ZNF385D: variants seen among roughly 807,000 people sequenced by gnomAD.
ZNF385D encodes zinc finger protein 659.
Under a neutral mutation model 35.8 loss-of-function variants are expected in ZNF385D, and 15 were observed. The observed-to-expected ratio is 0.42, with a 90% CI of 0.28 to 0.64. ZNF385D has a LOEUF of 0.64. Among genes scored for constraint, ZNF385D ranks in the 30% least tolerant of loss-of-function variants. ZNF385D has a pLI of 0.23. For synonymous variants in ZNF385D, 212 were observed against 186.8 expected, an observed-to-expected ratio of 1.13 and a Z score of -1.10; for missense variants, 474 against 494.6, an observed-to-expected ratio of 0.96 and a Z score of 0.39.
At chr3:22,087,929 T>C (rs1393256575) in intron 3 of ZNF385D, among the ~76,000 whole-genome samples, 2 of 152,214 alleles carry the variant, frequency 1.3e-5, no homozygotes, top group Non-Finnish European at 2.9e-5. Context: ...TTTATCAACA[T>C]TCTAATTTTC....
At chr3:21,926,631 C>T (rs1232384336) in intron 3 of ZNF385D, among the ~76,000 whole-genome samples, 2 of 152,014 alleles carry the variant, frequency 1.3e-5, no homozygotes, top group Non-Finnish European at 2.9e-5. Flanking sequence ...CTTCCTTACA[C>T]CTTATACAAA....
Position 22,354,630 on chromosome 3 carries a change from A to G in ZNF385D, c.106+17820T>C, listed in dbSNP as rs546221026. Among the ~76,000 whole-genome samples, 7 of 152,208 alleles carry G rather than the reference A, an allele frequency of 4.6e-5. No individual in the cohort carries two copies. In the South Asian group the frequency reaches 1.5e-3, roughly 32 times the overall value. On this transcript the variant is annotated intron_variant, in intron 2 of 5. Transcript: ENST00000494108. ...ATTTAGTTACCATGGTTTTAATGGT[A>G]TAACAATATCCATCAGGCACGTTGT...
At chr3:22,178,078 A>G (rs1160264919) in intron 2 of ZNF385D, among the ~76,000 whole-genome samples, 1 of 152,230 alleles carries the variant, frequency 6.6e-6, no homozygotes, top group Non-Finnish European at 1.5e-5. Context: ...AGCATGATAT[A>G]TAATTCTTTG....
At chr3:22,294,989 ACACACT>A (rs1702492930) in intron 2 of ZNF385D, among the ~76,000 whole-genome samples, 1 of 152,068 alleles carries the variant, frequency 6.6e-6, no homozygotes, top group Non-Finnish European at 1.5e-5. Context: ...CTATTTATAC[ACACACT>A]CACACACATG....
At chr3:21,947,476 G>A (rs755092960) in intron 3 of ZNF385D, among the ~76,000 whole-genome samples, 7 of 151,922 alleles carry the variant, frequency 4.6e-5, no homozygotes, top group Non-Finnish European at 7.4e-5. Context: ...TCAGCCTCCT[G>A]AGTCGCTGGG....
chr3:22,200,908 T>C (rs1232170949), intron 2 of ZNF385D, among the ~76,000 whole-genome samples: 1 of 152,174 alleles, frequency 6.6e-6, no homozygotes, highest in African/African-American at 2.4e-5. Flanking sequence ...TTATCTCTCT[T>C]GTTCCCTCAA....
At chr3:21,863,089 C>A (rs896496656) in intron 3 of ZNF385D, among the ~76,000 whole-genome samples, 7 of 151,970 alleles carry the variant, frequency 4.6e-5, no homozygotes, top group African/African-American at 1.7e-4. Flanking sequence ...TTATAAAGTC[C>A]ACTATCCTCA....
intron 2 of ZNF385D, among the ~76,000 whole-genome samples, chr3:21,609,690 G>A (rs1288359937): frequency 6.6e-6 from 1 of 152,220 alleles, no homozygotes; most frequent in Admixed American, 6.5e-5. Context: ...TGTCAGCACA[G>A]AACCTAATGG....
chr3:22,287,927 T>C (rs1294025756), intron 2 of ZNF385D, among the ~76,000 whole-genome samples: 1 of 152,116 alleles, frequency 6.6e-6, no homozygotes, highest in Non-Finnish European at 1.5e-5. Flanking sequence ...TAGCACTTTT[T>C]GTGAGGAAGT....
At chr3:21,955,912 A>T (rs1202949187) in intron 3 of ZNF385D, among the ~76,000 whole-genome samples, 1 of 152,116 alleles carries the variant, frequency 6.6e-6, no homozygotes, top group African/African-American at 2.4e-5. Flanking sequence ...TTGGCCAGGC[A>T]TAATGGATCA....
intron 3 of ZNF385D, among the ~76,000 whole-genome samples, chr3:22,062,335 G>C (rs947080968): frequency 2.0e-5 from 3 of 152,154 alleles, no homozygotes; most frequent in African/African-American, 7.2e-5. Flanking sequence ...AATTACAGCC[G>C]TGAGTCACTT....
chr3:21,829,750 T>C (rs912003964), intron 3 of ZNF385D, among the ~76,000 whole-genome samples: 1 of 151,794 alleles, frequency 6.6e-6, no homozygotes, highest in Non-Finnish European at 1.5e-5. Flanking sequence ...TTGAAATATA[T>C]ACGGTTGGTG....
At chr3:21,653,672 T>C (rs992113046) in intron 2 of ZNF385D, among the ~76,000 whole-genome samples, 3 of 152,010 alleles carry the variant, frequency 2.0e-5, no homozygotes, top group Admixed American at 6.6e-5. Flanking sequence ...ATTCTGTCAA[T>C]AGCACCTCAT....
intron 3 of ZNF385D, among the ~76,000 whole-genome samples, chr3:21,826,519 T>C (rs771949882): frequency 6.6e-6 from 1 of 152,142 alleles, no homozygotes; most frequent in Non-Finnish European, 1.5e-5. Context: ...AAGAAGAGGT[T>C]CAGGAAGGAG....
intron 4 of ZNF385D, among the ~76,000 whole-genome samples, chr3:21,468,282 G>A (rs1391563567): frequency 4.0e-5 from 6 of 150,242 alleles, no homozygotes; most frequent in African/African-American, 1.5e-4. Context: ...GGCACCTGTA[G>A]TCCCAGCTAC....
chr3:21,501,131 G>T (rs1010407177), intron 4 of ZNF385D, among the ~76,000 whole-genome samples: 1 of 152,108 alleles, frequency 6.6e-6, no homozygotes, highest in Non-Finnish European at 1.5e-5. Flanking sequence ...AGCAGACACC[G>T]CTTCCTCCAG....
intron 3 of ZNF385D, among the ~76,000 whole-genome samples, chr3:22,004,062 A>G (rs34867083): frequency 7.9e-5 from 12 of 151,962 alleles, no homozygotes; most frequent in Admixed American, 6.6e-4. Context: ...CATATAACCA[A>G]TGGAACAGAA....
intron 3 of ZNF385D, among the ~76,000 whole-genome samples, chr3:22,016,123 A>G (rs1696869777): frequency 6.6e-6 from 1 of 152,120 alleles, no homozygotes. Context: ...AATTTAGTCT[A>G]TAAAACAGTT....
intron 4 of ZNF385D, among the ~76,000 whole-genome samples, chr3:21,446,656 G>A (rs1257277322): frequency 6.6e-6 from 1 of 151,746 alleles, no homozygotes; most frequent in Non-Finnish European, 1.5e-5. Flanking sequence ...ACCACACCTG[G>A]CTAATTTTTG....
Sources: allele counts gnomAD v4.1 joint callset (sites outside exome capture counted in the v4.1 genomes callset), GRCh38; gene constraint gnomAD v4.1.1; transcripts MANE v1.5; gene names NCBI Gene and HGNC (gene_info 2026-07-23, HGNC 2026-07-21).